The following ERBB4 variants were observed in gnomAD, a reference collection of about 807,000 sequenced individuals.
The protein encoded by ERBB4 is erb-b2 receptor tyrosine kinase 4.
In ERBB4, 42 loss-of-function variants were observed where a neutral mutation model predicts 158.0. The observed-to-expected ratio is 0.27, with a 90% CI of 0.21 to 0.34. The LOEUF (loss-of-function observed/expected upper bound fraction) is 0.34, where lower values mean the gene tolerates loss of function less well. ERBB4 is among the 10% of genes least tolerant of loss of function. The pLI, the probability that ERBB4 is intolerant of heterozygous loss-of-function variation, is 1.00. For missense variants in ERBB4, 1,333 were observed against 1,624.1 expected, an observed-to-expected ratio of 0.82 and a Z score of 3.08; for synonymous variants, 583 against 558.7, an observed-to-expected ratio of 1.04 and a Z score of -0.61.
At chr2:212,425,671 T>G (rs1194504376) in intron 1 of ERBB4, among the ~76,000 whole-genome samples, 1 of 151,952 alleles carries the variant, frequency 6.6e-6, no homozygotes, top group African/African-American at 2.4e-5. Context: ...TCATCATTCC[T>G]CCATCTCCCT....
intron 2 of ERBB4, 102 bp downstream of exon 2, chr2:212,124,650 G>T: frequency 1.5e-6 from 2 of 1,324,274 alleles, no homozygotes; most frequent in Non-Finnish European, 2.2e-6. Context: ...TGCCTGCCAG[G>T]CAGAAGAGCA....
intron 20 of ERBB4, among the ~76,000 whole-genome samples, chr2:211,543,604 A>G (rs1028722729): frequency 1.3e-5 from 2 of 151,994 alleles, no homozygotes; most frequent in East Asian, 1.9e-4. Flanking sequence ...TTAAAAAATC[A>G]TAACTTGGAG....
intron 5 of ERBB4, among the ~76,000 whole-genome samples, chr2:211,735,954 A>C (rs1471179751): frequency 1.3e-5 from 2 of 151,062 alleles, no homozygotes; most frequent in Non-Finnish European, 2.9e-5. Flanking sequence ...GGCATTCGAG[A>C]CTAGCCTAGG....
At chr2:212,472,748 A>G (rs1347391478) in intron 1 of ERBB4, among the ~76,000 whole-genome samples, 1 of 151,902 alleles carries the variant, frequency 6.6e-6, no homozygotes, top group African/African-American at 2.4e-5. Flanking sequence ...ACAATGTCAA[A>G]CTTATATAAA....
chr2:212,062,739 G>A (rs2077819539), intron 2 of ERBB4, among the ~76,000 whole-genome samples: 1 of 152,048 alleles, frequency 6.6e-6, no homozygotes, highest in Non-Finnish European at 1.5e-5. Context: ...CAGCATCTCA[G>A]ATGGAATCAA....
intron 2 of ERBB4, among the ~76,000 whole-genome samples, chr2:212,091,926 T>C (rs2078791358): frequency 6.6e-6 from 1 of 152,202 alleles, no homozygotes; most frequent in Non-Finnish European, 1.5e-5. Context: ...CCACTCTTTA[T>C]ATTAGTAAAT....
intron 2 of ERBB4, among the ~76,000 whole-genome samples, chr2:212,008,317 T>G (rs1474658725): frequency 6.6e-6 from 1 of 152,086 alleles, no homozygotes; most frequent in African/African-American, 2.4e-5. Flanking sequence ...TTTATTTATT[T>G]AAGTAATCAC....
chr2:211,638,868 A>G (rs2070460816), intron 16 of ERBB4, among the ~76,000 whole-genome samples: 1 of 152,126 alleles, frequency 6.6e-6, no homozygotes, highest in African/African-American at 2.4e-5. Context: ...ATTTACACAT[A>G]TCTATGGGCT....
intron 2 of ERBB4, among the ~76,000 whole-genome samples, chr2:211,975,691 T>A (rs1418523062): frequency 1.3e-5 from 2 of 152,226 alleles, no homozygotes; most frequent in Non-Finnish European, 2.9e-5. Context: ...TGAGAATTTA[T>A]GCCTCATTAC....
At chr2:212,447,062 T>A (rs1312521383) in intron 1 of ERBB4, among the ~76,000 whole-genome samples, 2 of 151,234 alleles carry the variant, frequency 1.3e-5, no homozygotes, top group Non-Finnish European at 2.9e-5. Flanking sequence ...AGTGGCGCAA[T>A]CTCAGCTCAC....
chr2:211,918,314 A>C (rs1354588976), intron 3 of ERBB4, among the ~76,000 whole-genome samples: 1 of 152,156 alleles, frequency 6.6e-6, no homozygotes, highest in Non-Finnish European at 1.5e-5. Context: ...TAAAATGTAA[A>C]ATATTTAAAA....
At chr2:212,233,424 T>A (rs1176307419) in intron 1 of ERBB4, among the ~76,000 whole-genome samples, 1 of 152,174 alleles carries the variant, frequency 6.6e-6, no homozygotes, top group Non-Finnish European at 1.5e-5. Context: ...TCATACTATT[T>A]TCAAAATTTT....
chr2:211,396,220 A>AAATT (rs769057630), intron 25 of ERBB4, among the ~76,000 whole-genome samples: 17 of 152,106 alleles, frequency 1.1e-4, no homozygotes, highest in Non-Finnish European at 1.6e-4. Flanking sequence ...CATGCTAAGA[A>AAATT]AATTAATAGC....
chr2:212,038,916 GTGTT>G (rs1443582103), intron 2 of ERBB4, among the ~76,000 whole-genome samples: 1 of 152,088 alleles, frequency 6.6e-6, no homozygotes, highest in Non-Finnish European at 1.5e-5. Context: ...AAATAAATGT[GTGTT>G]TGTGAGTGTT....
chr2:212,503,692 T>A (rs545483218), intron 1 of ERBB4, among the ~76,000 whole-genome samples: 31 of 152,328 alleles, frequency 2.0e-4, no homozygotes, highest in Non-Finnish European at 3.5e-4. Flanking sequence ...GTACAAAAGA[T>A]AACTACTTTG....
At chr2:211,530,736 A>G (rs1392238321) in intron 20 of ERBB4, among the ~76,000 whole-genome samples, 3 of 152,002 alleles carry the variant, frequency 2.0e-5, no homozygotes, top group Middle Eastern at 3.2e-3. Flanking sequence ...AAAAATAGAA[A>G]AAAATTGGCC....
intron 20 of ERBB4, among the ~76,000 whole-genome samples, chr2:211,518,950 CT>C (rs2066115377): frequency 6.6e-6 from 1 of 152,088 alleles, no homozygotes; most frequent in Admixed American, 6.5e-5. Flanking sequence ...AAAGGTTAGT[CT>C]TCACTCAGCC....
chr2:211,797,860 C>T (rs1426945311), intron 3 of ERBB4, among the ~76,000 whole-genome samples: 2 of 151,874 alleles, frequency 1.3e-5, no homozygotes, highest in African/African-American at 4.8e-5. Context: ...TGGAGAAAAT[C>T]AGGAAGGAAT....
chr2:211,700,134 G>A (rs2073179043), intron 12 of ERBB4, among the ~76,000 whole-genome samples: 1 of 152,066 alleles, frequency 6.6e-6, no homozygotes, highest in Non-Finnish European at 1.5e-5. Context: ...GGAAGGAAAC[G>A]AGAGTATAGC....
Sources: allele counts gnomAD v4.1 joint callset (sites outside exome capture counted in the v4.1 genomes callset), GRCh38; gene constraint gnomAD v4.1.1; transcripts MANE v1.5; gene names NCBI Gene and HGNC (gene_info 2026-07-23, HGNC 2026-07-21).